The following KLF7 variants were observed in gnomAD, a reference collection of about 807,000 sequenced individuals.
The protein encoded by KLF7 is Krueppel-like factor 7.
In KLF7, 2 loss-of-function variants were observed where a neutral mutation model predicts 27.3. The observed-to-expected ratio is 0.07, with a 90% CI of 0.03 to 0.23. KLF7 has a LOEUF of 0.23. Ranked by LOEUF, KLF7 falls within the 10% of genes least tolerant of loss-of-function variation. KLF7 has a pLI of 1.00. For synonymous variants in KLF7, 165 were observed against 162.4 expected (o/e 1.02, Z -0.12); for missense variants, 221 against 394.1 (o/e 0.56, Z 3.72).
chr2:207,077,711 G>C lies in KLF7; in HGVS notation c.*3502C>G, dbSNP rs1327365754. The C allele has an allele frequency of 6.6e-6, 1 of 152,150 alleles. No homozygotes were observed. The highest frequency in any genetic ancestry group is 1.5e-5 in the Non-Finnish European group (1 of 68,040). 9.4% of individuals were successfully genotyped at this position (152,150 alleles called of 1,614,324 possible). A position where few individuals can be genotyped will look rare whatever the true frequency, so the allele number is the denominator to read the frequency against. On this transcript the variant is annotated 3_prime_UTR_variant, in exon 4 of 4. Transcript: ENST00000309446. ...GGGTGGGGCAGGAGGCCAGTAGCTA[G>C]GAGCAGCATTATAATTTCAGGTTTC... is the stretch of plus-strand genomic sequence containing the variant.
chr2:207,086,292 C>T (rs1234606697), intron 3 of KLF7, among the ~76,000 whole-genome samples: 2 of 152,170 alleles, frequency 1.3e-5, no homozygotes, highest in African/African-American at 4.8e-5. Context: ...CTTTCATCTG[C>T]TTTGGGACCA....
chr2:207,102,234 A>G (rs966038891), intron 2 of KLF7, among the ~76,000 whole-genome samples: 1 of 151,622 alleles, frequency 6.6e-6, no homozygotes, highest in African/African-American at 2.4e-5. Flanking sequence ...ACACCCCCAC[A>G]CAATCTGTCA....
intron 2 of KLF7, 23 bp downstream of exon 2, chr2:207,123,751 G>T (rs778948342): frequency 1.9e-6 from 3 of 1,594,632 alleles, no homozygotes; most frequent in African/African-American, 1.3e-5. Context: ...AAGAAACCAC[G>T]TGCGGCCAAC....
At chr2:207,150,815 T>C (rs2078222005) in intron 1 of KLF7, among the ~76,000 whole-genome samples, 1 of 152,296 alleles carries the variant, frequency 6.6e-6, no homozygotes, top group Admixed American at 6.5e-5. Flanking sequence ...GTTTTCATTT[T>C]TACTTGCCTC....
At chr2:207,104,310 G>A (rs1216484238) in intron 2 of KLF7, among the ~76,000 whole-genome samples, 2 of 152,048 alleles carry the variant, frequency 1.3e-5, no homozygotes, top group East Asian at 1.9e-4. Context: ...TTCCTTCCTC[G>A]TGTAGATACA....
rs749629247 is a variant in KLF7 at position 207,124,066 on chromosome 2, A to G, written c.441T>C (p.His147=). Reference sequence around the variant, plus strand: ...AGAGAGTTTGTGAGGTTTTGACCAGATGGCGGCTGAGCTCAGGGGACGATG... The same window carrying G: ...AGAGAGTTTGTGAGGTTTTGACCAGGTGGCGGCTGAGCTCAGGGGACGATG... ...TPPSSPELSR[H]LVKTSQTLSA... is the part of the protein sequence containing the mutation. Residue 147 remains histidine (H), a synonymous_variant, in exon 2 of 4, where the codon CAT becomes CAC. Coordinates refer to ENST00000309446, the MANE Select transcript of KLF7 (RefSeq NM_003709.4). 8.1e-6 allele frequency: 13 copies of G among 1,614,080 alleles called. No homozygotes were observed. Among genetic ancestry groups the G allele is most frequent in the Non-Finnish European group, 1.1e-5 (13 of 1,180,018 alleles).
rs766698558 is a variant in KLF7, at chr2:207,109,162, T to C, written c.733+14612A>G. Among the ~76,000 whole-genome samples the C allele has an allele frequency of 5.0e-4, 76 of 152,378 alleles. 3 individuals are homozygous for C. The highest frequency in any genetic ancestry group is 3.5e-3 in the Admixed American group (54 of 15,304). ...AATCAATACCTTGCGTTTGTTTGCA[T>C]CTTCAAAACCAGCTTTCTTTCTTAA... On this transcript the variant is annotated intron_variant, in intron 2 of 3. Coordinates refer to ENST00000309446, the MANE Select transcript of KLF7 (RefSeq NM_003709.4).
At chr2:207,108,988 A>G (rs1488990618) in intron 2 of KLF7, among the ~76,000 whole-genome samples, 1 of 152,200 alleles carries the variant, frequency 6.6e-6, no homozygotes, top group Non-Finnish European at 1.5e-5. Flanking sequence ...TCTTTAAGGC[A>G]TCTCCATTTG....
At chr2:207,171,000 A>G (rs2078780478), upstream of KLF7, among the ~76,000 whole-genome samples, 1 of 150,820 alleles carries the variant, frequency 6.6e-6, no homozygotes, top group Non-Finnish European at 1.5e-5. Context: ...TGATTTTCTG[A>G]TGGATCTGGG....
rs200826421 is a variant in KLF7 at position 207,086,072 on chromosome 2, GTACATGC to G, written c.857+2379_857+2385del. 2.4e-3 allele frequency among the ~76,000 whole-genome samples: 366 copies of G among 151,796 alleles called. 9 individuals carry two copies. In the East Asian group the frequency reaches 0.058, roughly 24 times the overall value. ...AAAATAAAAGCATACGTTAGACTTG[GTACATGC>G]TTAAGGAAAGGAAGTCTAAACCCTA... On this transcript the variant is annotated intron_variant, in intron 3 of 3. Transcript: ENST00000309446.
intron 1 of KLF7, among the ~76,000 whole-genome samples, chr2:207,157,999 G>A (rs1428549644): frequency 6.6e-6 from 1 of 150,908 alleles, no homozygotes; most frequent in East Asian, 1.9e-4. Flanking sequence ...AGCCCATCTT[G>A]CTTGTTGCTT....
chr2:207,133,945 T>G (rs946028106), intron 1 of KLF7: 1 of 629,140 alleles, frequency 1.6e-6, no homozygotes, highest in African/African-American at 1.9e-5. Flanking sequence ...CAGGGAAAGG[T>G]CTGACAAGGC....
chr2:207,094,031 T>A (rs1485435220), intron 2 of KLF7, among the ~76,000 whole-genome samples: 1 of 152,220 alleles, frequency 6.6e-6, no homozygotes, highest in African/African-American at 2.4e-5. Flanking sequence ...CAATATCCCC[T>A]CTGGGAAGCA....
rs927621446 is a variant in KLF7, at chr2:207,076,126, C to T, written c.*5087G>A. The T allele has an allele frequency of 2.6e-5, 4 of 152,016 alleles. No individual in the cohort carries two copies. The highest frequency in any genetic ancestry group is 9.7e-5 in the African/African-American group (4 of 41,368). 9.4% of individuals were successfully genotyped at this position (152,016 alleles called of 1,614,324 possible). On this transcript the variant is annotated 3_prime_UTR_variant, in exon 4 of 4. Coordinates refer to ENST00000309446, the MANE Select transcript of KLF7 (RefSeq NM_003709.4). ...AGCCTGTTTTCCTTCCGTGAAGGTA[C>T]GACAGGTACATATGCGCATGTCTAG... is the stretch of plus-strand genomic sequence containing the variant.
chr2:207,122,992 C>T (rs1336220541), intron 2 of KLF7, among the ~76,000 whole-genome samples: 3 of 151,060 alleles, frequency 2.0e-5, no homozygotes, highest in Non-Finnish European at 4.4e-5. Flanking sequence ...ATAAGAGTTT[C>T]ACGCTTTTCT....
chr2:207,124,926 A>G (rs2077440319), intron 1 of KLF7, among the ~76,000 whole-genome samples: 1 of 152,144 alleles, frequency 6.6e-6, no homozygotes, highest in Admixed American at 6.5e-5. Context: ...CTCAGTAACA[A>G]TCAAACAACA....
intron 2 of KLF7, among the ~76,000 whole-genome samples, chr2:207,119,503 T>C (rs2077278857): frequency 6.6e-6 from 1 of 152,004 alleles, no homozygotes; most frequent in Non-Finnish European, 1.5e-5. Flanking sequence ...TTCATCAAAA[T>C]ATAAGGATTA....
At chr2:207,161,756 G>A (rs1408292445) in intron 1 of KLF7, among the ~76,000 whole-genome samples, 1 of 152,140 alleles carries the variant, frequency 6.6e-6, no homozygotes, top group Non-Finnish European at 1.5e-5. Flanking sequence ...AAATTGCAGT[G>A]TTATGGGGAC....
At chr2:207,127,391 G>A (rs183189062) in intron 1 of KLF7, among the ~76,000 whole-genome samples, 161 of 152,264 alleles carry the variant, frequency 1.1e-3, no homozygotes, top group African/African-American at 3.6e-3. Flanking sequence ...TTGTCAATTC[G>A]AAACCCCAGT....
Sources: gnomAD v4.1 joint callset for allele counts (sites outside exome capture counted in the v4.1 genomes callset) on GRCh38, gnomAD v4.1.1 for gene constraint, MANE v1.5 for transcripts, NCBI Gene and HGNC (gene_info 2026-07-23, HGNC 2026-07-21) for gene names.